LCP2: variants seen among roughly 807,000 people sequenced by gnomAD.
The protein encoded by LCP2 is lymphocyte cytosolic protein 2, also known as 76 kDa tyrosine phosphoprotein.
Under a neutral mutation model 74.5 loss-of-function variants are expected in LCP2, and 29 were observed. The ratio of observed to expected loss-of-function variants is 0.39; its 90% CI spans 0.29 to 0.53. The LOEUF (loss-of-function observed/expected upper bound fraction) is 0.53. Ranked by LOEUF, LCP2 falls within the 20% of genes least tolerant of loss-of-function variation. The pLI is 0.72. For synonymous variants in LCP2, 228 were observed against 229.5 expected, an observed-to-expected ratio of 0.99 and a Z score of 0.06; for missense variants, 604 against 634.6, an observed-to-expected ratio of 0.95 and a Z score of 0.52.
chr5:170,289,847 G>A (rs1762259462), intron 2 of LCP2, among the ~76,000 whole-genome samples: 1 of 150,630 alleles, frequency 6.6e-6, no homozygotes, highest in Non-Finnish European at 1.5e-5. Flanking sequence ...TGAGTGTGGT[G>A]TGAGGAGTTG....
At chr5:170,250,946 A>G (rs889019776) in intron 19 of LCP2, 61 bp from the exon 20 acceptor site, 2 of 1,405,458 alleles carry the variant, frequency 1.4e-6, no homozygotes, top group Non-Finnish European at 2.0e-6. Context: ...TGTTGCTTGT[A>G]AGAGTAGTAG....
chr5:170,269,733 C>A (rs1243023538), intron 7 of LCP2, among the ~76,000 whole-genome samples: 2 of 152,226 alleles, frequency 1.3e-5, no homozygotes, highest in East Asian at 3.8e-4. Flanking sequence ...GAGGGTGCGT[C>A]ACCTGCCAGA....
At chr5:170,284,632 T>G (rs1012679726) in intron 3 of LCP2, among the ~76,000 whole-genome samples, 12 of 152,278 alleles carry the variant, frequency 7.9e-5, no homozygotes, top group African/African-American at 2.9e-4. Context: ...TTTTAGCCAT[T>G]ATGTCTTCAA....
chr5:170,286,892 C>T (rs1762191423), intron 3 of LCP2, among the ~76,000 whole-genome samples: 1 of 152,154 alleles, frequency 6.6e-6, no homozygotes, highest in South Asian at 2.1e-4. Context: ...TATAGAATGT[C>T]CAGAGAAGAG....
intron 18 of LCP2, chr5:170,252,714 A>G: frequency 5.6e-6 from 3 of 538,224 alleles, no homozygotes; most frequent in Non-Finnish European, 1.0e-5. Flanking sequence ...TTATCATGAC[A>G]CTGGTTGCAA....
intron 19 of LCP2, chr5:170,251,191 T>A (rs181823864): frequency 7.7e-6 from 2 of 259,046 alleles, no homozygotes; most frequent in Non-Finnish European, 1.5e-5. Flanking sequence ...TAATGGGTGG[T>A]TGAGTGGATA....
rs1761453391 is a variant in LCP2 at position 170,251,920 on chromosome 5, T to C, written c.1323+514A>G. On this transcript the variant is annotated intron_variant, in intron 19 of 20. Coordinates refer to ENST00000046794, the MANE Select transcript of LCP2 (RefSeq NM_005565.5). ...AAGATTTTTGCTTTCCCATTTCTGA[T>C]AAATAAATCTAAGGTAAAGTTTCGG... The C allele has an allele frequency of 4.9e-5, 12 of 246,884 alleles. No individual in the cohort carries two copies. In the South Asian group the frequency reaches 5.0e-4, roughly 10 times the overall value. The allele number at this position is 246,884 out of a possible 1,614,324, so 15.3% of individuals were successfully genotyped here. A position where few individuals can be genotyped will look rare whatever the true frequency, so the allele number is the denominator to read the frequency against.
intron 17 of LCP2, among the ~76,000 whole-genome samples, chr5:170,254,376 A>C (rs918190546): frequency 1.3e-5 from 2 of 152,134 alleles, no homozygotes; most frequent in Admixed American, 6.6e-5. Flanking sequence ...TTGTTACACC[A>C]CTGAGGAGAG....
chr5:170,250,437 T>C (rs1761409215), intron 20 of LCP2, among the ~76,000 whole-genome samples: 1 of 152,270 alleles, frequency 6.6e-6, no homozygotes, highest in South Asian at 2.1e-4. Context: ...TAGTGGGAAC[T>C]TTCCTTTGAC....
At chr5:170,255,157 G>T (rs372344442) in intron 17 of LCP2, among the ~76,000 whole-genome samples, 4 of 152,342 alleles carry the variant, frequency 2.6e-5, no homozygotes, top group African/African-American at 7.2e-5. Context: ...TTTGGGGATT[G>T]TGGAAAATTA....
At chr5:170,262,090 A>G (rs1160984233) in intron 13 of LCP2, among the ~76,000 whole-genome samples, 2 of 152,300 alleles carry the variant, frequency 1.3e-5, no homozygotes, top group East Asian at 3.9e-4. Context: ...ATTCTTTGCA[A>G]GTAGCAAGGT....
intron 3 of LCP2, among the ~76,000 whole-genome samples, chr5:170,283,898 G>A (rs1029652080): frequency 2.6e-5 from 4 of 152,132 alleles, no homozygotes; most frequent in African/African-American, 9.7e-5. Context: ...GAATACTGTG[G>A]GGAAAATTAC....
intron 7 of LCP2, among the ~76,000 whole-genome samples, chr5:170,269,791 G>A (rs1761861808): frequency 6.6e-6 from 1 of 152,146 alleles, no homozygotes; most frequent in Non-Finnish European, 1.5e-5. Flanking sequence ...GTATCTTAAT[G>A]ACTGGCACAC....
At chr5:170,284,261 G>A (rs1035837870) in intron 3 of LCP2, among the ~76,000 whole-genome samples, 1 of 152,144 alleles carries the variant, frequency 6.6e-6, no homozygotes, top group Admixed American at 6.5e-5. Context: ...CTTTCCACTT[G>A]AAGGACTTTT....
At chr5:170,267,932 C>T (rs1237558279) in intron 8 of LCP2, among the ~76,000 whole-genome samples, 1 of 152,126 alleles carries the variant, frequency 6.6e-6, no homozygotes, top group Non-Finnish European at 1.5e-5. Flanking sequence ...ACTCTGGGAA[C>T]TTATCAGATT....
At chr5:170,287,587 C>T (rs1762204993) in intron 3 of LCP2, 1 of 264,878 alleles carries the variant, frequency 3.8e-6, no homozygotes, top group Non-Finnish European at 7.4e-6. Context: ...CTTTGGCTCT[C>T]ATTTTACTGT....
chr5:170,265,654 GC>G (rs1234119685), intron 10 of LCP2, among the ~76,000 whole-genome samples: 1 of 152,164 alleles, frequency 6.6e-6, no homozygotes, highest in East Asian at 1.9e-4. Flanking sequence ...AGCCAGCACA[GC>G]TTTGCATGAC....
At chr5:170,294,482 G>C (rs1488561098) in intron 1 of LCP2, among the ~76,000 whole-genome samples, 1 of 152,144 alleles carries the variant, frequency 6.6e-6, no homozygotes, top group African/African-American at 2.4e-5. Flanking sequence ...TTGCTGCTTT[G>C]GGGTGGAGCA....
Position 170,270,873 on chromosome 5 carries a change from C to G in LCP2, c.369G>C (p.Glu123Asp). 1 of 1,612,928 alleles carries G rather than the reference C, an allele frequency of 6.2e-7. No homozygotes were observed. The highest frequency in any genetic ancestry group is 8.5e-7 in the Non-Finnish European group (1 of 1,179,420). Residue 123 changes from glutamate (E) to aspartate (D), a missense_variant, in exon 7 of 21, where the codon GAG (glutamate) becomes GAC (aspartate). By Grantham distance (45) the Glu-to-Asp change is conservative. Coordinates refer to ENST00000046794, the MANE Select transcript of LCP2 (RefSeq NM_005565.5). ...TGGGGGACTCATAGTCTCCATCATCCTCCCCATCCTGGTCATCATTGGGAC... is the reference window on the plus strand; with the variant it reads ...TGGGGGACTCATAGTCTCCATCATCGTCCCCATCCTGGTCATCATTGGGAC... ...YESPNDDQDGEDDGDYESPNE... is the reference protein window; with the variant it reads ...YESPNDDQDGDDDGDYESPNE...
Sources: allele counts gnomAD v4.1 joint callset (sites outside exome capture counted in the v4.1 genomes callset), GRCh38; gene constraint gnomAD v4.1.1; transcripts MANE v1.5; gene names NCBI Gene and HGNC (gene_info 2026-07-23, HGNC 2026-07-21).